Variants in COL20A1 observed in about 807,000 individuals in gnomAD.
COL20A1 encodes collagen alpha-1(XX) chain.
COL20A1 carries 164 observed loss-of-function variants against 152.9 expected under a neutral mutation model. That is an observed-to-expected ratio of 1.07 (90% confidence interval 0.94 to 1.22). COL20A1 has a LOEUF of 1.22. Among genes scored for constraint, COL20A1 ranks in the 50% most tolerant of loss-of-function variants. The probability of loss-of-function intolerance (pLI) is 0.00; values close to 1 mark genes in which losing one functional copy is unlikely to be tolerated. For missense variants in COL20A1, 1,873 were observed against 1,744.8 expected, an observed-to-expected ratio of 1.07 and a Z score of -1.31; for synonymous variants, 864 against 756.0, an observed-to-expected ratio of 1.14 and a Z score of -2.34.
At position 63,307,631 on chromosome 20, in the gene COL20A1, C is replaced by T. The variant is rs780750482; in HGVS notation, c.638C>T (p.Pro213Leu). The T allele has an allele frequency of 5.0e-5, 80 of 1,612,300 alleles. No individual in the cohort carries two copies. The highest frequency in any genetic ancestry group is 9.9e-5 in the South Asian group (9 of 91,076). ...ASVIAPFEIG[P>L]DKVQVGLTQY... ...GTCATCGCACCCTTTGAAATCGGGC[C>T]GGATAAGGTCCAAGTAGGTGGGTGC... The change falls in exon 6 of 36, where the codon CCG (proline) becomes CTG (leucine). Residue 213 changes from proline (P) to leucine (L), a missense_variant. Transcript: ENST00000358894.
rs200521357 is a variant in COL20A1, at chr20:63,311,956, G to C, written c.1704G>C (p.Val568=). The part of the protein sequence containing the change: ...APPRHLGFSD[V]SHDAARVFWE... ...CGAGACACCTGGGCTTCTCAGACGT[G>C]AGCCACGACGCGGCACGAGTGTTCT... The change falls in exon 14 of 36, where the codon GTG becomes GTC. Residue 568 remains valine, a synonymous_variant. Coordinates refer to ENST00000358894, the MANE Select transcript of COL20A1 (RefSeq NM_020882.4). This position sits in a 1 kb window ranked among gnomAD's most constrained non-coding sequence, Gnocchi z 4.4. 293 of 1,591,484 alleles carry C rather than the reference G, an allele frequency of 1.8e-4. No individual in the cohort carries two copies. In the African/African-American group the frequency reaches 3.6e-3, roughly 20 times the overall value.
chr20:63,302,664 G>A (rs1007426893), intron 3 of COL20A1, among the ~76,000 whole-genome samples: 7 of 152,034 alleles, frequency 4.6e-5, no homozygotes, highest in African/African-American at 1.2e-4. Flanking sequence ...ATTGGGGTGT[G>A]AACAGAGTCT....
At chr20:63,315,480 C>G in intron 20 of COL20A1, 41 bp downstream of exon 20, 6 of 1,526,336 alleles carry the variant, frequency 3.9e-6, no homozygotes, top group Non-Finnish European at 5.3e-6. Context: ...CACCCACAGT[C>G]TCTCGGGCTC....
chr20:63,307,430 TG>T, intron 5 of COL20A1, 59 bp from the exon 6 acceptor site: 3 of 1,519,622 alleles, frequency 2.0e-6, no homozygotes, highest in Non-Finnish European at 2.7e-6. Flanking sequence ...GTAGGTGATC[TG>T]GGGGCCTTGG....
chr20:63,328,145 A>G lies in COL20A1; in HGVS notation c.3613+18A>G. 1.2e-6 allele frequency: 2 copies of G among 1,612,748 alleles called. No individual in the cohort carries two copies. The highest frequency in any genetic ancestry group is 1.7e-6 in the Non-Finnish European group (2 of 1,179,606). On this transcript the variant is annotated intron_variant, in intron 33 of 35. Transcript: ENST00000358894. The stretch of plus-strand genomic sequence containing the variant: ...CCAGGCCTGTGAGTCTGCCATTCAG[A>G]GTGAGTGAGGCCAGCAGCCCTGCAC...
chr20:63,320,851 C>T (rs1389010944), intron 25 of COL20A1, among the ~76,000 whole-genome samples, 162 bp from the exon 26 acceptor site: 1 of 152,136 alleles, frequency 6.6e-6, no homozygotes, highest in Non-Finnish European at 1.5e-5. Flanking sequence ...AGTCCTGGAC[C>T]TGCCCACTAT....
chr20:63,325,344 C>G (rs754065554), intron 27 of COL20A1, 97 bp from the exon 28 acceptor site: 1 of 929,952 alleles, frequency 1.1e-6, no homozygotes, highest in Non-Finnish European at 1.8e-6. Flanking sequence ...GACCCAGGGC[C>G]GTGCAGTCCA....
chr20:63,326,912 C>A, intron 31 of COL20A1, 89 bp downstream of exon 31: 1 of 914,686 alleles, frequency 1.1e-6, no homozygotes, highest in Non-Finnish European at 1.6e-6. Flanking sequence ...GGACTTCCTA[C>A]TGACAGCTCA....
At chr20:63,325,155 C>T (rs538608256) in intron 27 of COL20A1, 13 of 583,348 alleles carry the variant, frequency 2.2e-5, no homozygotes, top group South Asian at 1.2e-4. Flanking sequence ...GTCTCCATGT[C>T]GGTCTGGGTC....
In COL20A1 at chr20:63,313,996, A is replaced by G; in HGVS notation, c.2359-76A>G. ...TGGCAGCTCTGCCATGGCGGGACGCAGAGGGAGGCAGCTGAGCCGCGTGGA... is the reference window on the plus strand; with the variant it reads ...TGGCAGCTCTGCCATGGCGGGACGCGGAGGGAGGCAGCTGAGCCGCGTGGA... On this transcript the variant is annotated intron_variant, in intron 18 of 35. Coordinates refer to ENST00000358894, the MANE Select transcript of COL20A1 (RefSeq NM_020882.4). This position sits in a 1 kb window ranked among gnomAD's most constrained non-coding sequence, Gnocchi z 5.9. The G allele has an allele frequency of 1.2e-6, 2 of 1,605,238 alleles. No homozygotes were observed. Among genetic ancestry groups the G allele is most frequent in the Admixed American group, 3.4e-5 (2 of 59,692 alleles).
chr20:63,312,787 T>C lies in COL20A1; in HGVS notation c.1934-5T>C. The C allele has an allele frequency of 6.5e-7, 1 of 1,544,054 alleles. No individual in the cohort carries two copies. On this transcript the variant is annotated splice_polypyrimidine_tract_variant and splice_region_variant and intron_variant, in intron 15 of 35. Coordinates refer to ENST00000358894, the MANE Select transcript of COL20A1 (RefSeq NM_020882.4). Reference sequence around the variant, plus strand: ...ACCCCCAGCCTGTGTCTCCACTTCCTTCAGAGAAAGCTCCCAGCCCAAGCC... The same window carrying C: ...ACCCCCAGCCTGTGTCTCCACTTCCCTCAGAGAAAGCTCCCAGCCCAAGCC...
chr20:63,293,742 C>T (rs1268286179), intron 1 of COL20A1, among the ~76,000 whole-genome samples: 1 of 152,046 alleles, frequency 6.6e-6, no homozygotes. Flanking sequence ...CTGGGTCTTA[C>T]CTGACTGCCC....
chr20:63,326,859 G>A (rs6090363), intron 31 of COL20A1, 36 bp downstream of exon 31: 151 of 1,440,034 alleles, frequency 1.0e-4, no homozygotes, highest in Non-Finnish European at 1.4e-4. Context: ...GCCAACCAAA[G>A]GTGGGGGAGC....
intron 3 of COL20A1, among the ~76,000 whole-genome samples, chr20:63,303,772 C>T (rs992734090): frequency 1.8e-4 from 28 of 152,148 alleles, no homozygotes; most frequent in African/African-American, 6.3e-4. Context: ...CTTTTCTTTC[C>T]AGGTGTGCAG....
rs200875270 is a variant in COL20A1, at chr20:63,313,183, G to T, written c.2143G>T (p.Val715Phe). 2 of 1,612,416 alleles carry T rather than the reference G, an allele frequency of 1.2e-6. No homozygotes were observed. Among genetic ancestry groups the T allele is most frequent in the Admixed American group, 1.7e-5 (1 of 59,962 alleles). The stretch of plus-strand genomic sequence containing the variant: ...CCTAGGGAGGCACACAGAGTACGAC[G>T]TCACCATCTTGGCCTACTACAGGGA... ...PGLGRHTEYDVTILAYYRDGA... is the reference protein window; with the variant it reads ...PGLGRHTEYDFTILAYYRDGA... The change falls in exon 17 of 36, where the codon GTC becomes TTC. Residue 715 changes from valine to phenylalanine, a missense_variant. Coordinates refer to ENST00000358894, the MANE Select transcript of COL20A1 (RefSeq NM_020882.4). The surrounding 1 kb of genome is among the most constrained non-coding windows in gnomAD (Gnocchi z 5.9).
intron 8 of COL20A1, among the ~76,000 whole-genome samples, 169 bp from the exon 9 acceptor site, chr20:63,309,164 G>A (rs561510781): frequency 5.1e-4 from 77 of 152,272 alleles, no homozygotes; most frequent in Middle Eastern, 3.4e-3. Context: ...CTTCCTTGAT[G>A]CCCCCAACCC....
In COL20A1 at chr20:63,312,026, G is replaced by T. The variant is rs1461234534; in HGVS notation, c.1774G>T (p.Val592Leu). The change falls in exon 14 of 36, where the codon GTG (valine) becomes TTG (leucine). Residue 592 changes from valine (V) to leucine (L), a missense_variant. By Grantham distance (32) the Val-to-Leu change is conservative (BLOSUM62 1). Coordinates refer to ENST00000358894, the MANE Select transcript of COL20A1 (RefSeq NM_020882.4). ...RPVRLVRVTY[V>L]SSEGGHSGQT... is the part of the protein sequence containing the mutation. ...TGTGCGCCTGGTCAGGGTCACCTAT[G>T]TGTCCAGCGAGGGTGGACACTCGGG... is the stretch of plus-strand genomic sequence containing the variant. The T allele has an allele frequency of 6.2e-7, 1 of 1,601,546 alleles. No individual in the cohort carries two copies. Among genetic ancestry groups the T allele is most frequent in the East Asian group, 2.2e-5 (1 of 44,698 alleles).
intron 20 of COL20A1, among the ~76,000 whole-genome samples, chr20:63,315,759 G>A (rs371755653): frequency 1.3e-4 from 20 of 152,166 alleles, no homozygotes; most frequent in Non-Finnish European, 1.9e-4. Flanking sequence ...TGCTGAGCCC[G>A]GGGTTCTCAT....
At chr20:63,309,286 C>G in intron 8 of COL20A1, 47 bp from the exon 9 acceptor site, 3 of 1,367,130 alleles carry the variant, frequency 2.2e-6, no homozygotes, top group Non-Finnish European at 1.9e-6. Flanking sequence ...GTGGCCCCGT[C>G]GGGTGACCCC....
Sources: gnomAD v4.1 joint callset for allele counts (sites outside exome capture counted in the v4.1 genomes callset) on GRCh38, gnomAD v4.1.1 for gene constraint, Gnocchi (gnomAD v3.1) non-coding constraint, MANE v1.5 for transcripts, NCBI Gene and HGNC (gene_info 2026-07-23, HGNC 2026-07-21) for gene names.